PHACTR3: variants seen among roughly 807,000 people sequenced by gnomAD.
PHACTR3 encodes the protein phosphatase and actin regulator 3.
A neutral mutation model predicts 66.8 loss-of-function variants in PHACTR3; 16 were observed. The ratio of observed to expected loss-of-function variants is 0.24; its 90% confidence interval spans 0.16 to 0.36. PHACTR3 has a LOEUF of 0.36. PHACTR3 is among the 10% of genes least tolerant of loss of function. The pLI is 1.00. For missense variants in PHACTR3, 647 were observed against 719.9 expected (o/e 0.90, Z 1.16); for synonymous variants, 323 against 292.1 (o/e 1.11, Z -1.08).
intron 1 of PHACTR3, chr20:59,721,462 G>C (rs981741415): frequency 2.0e-5 from 3 of 152,736 alleles, no homozygotes; most frequent in East Asian, 3.8e-4. Context: ...ATGGGGCGAT[G>C]GTGGGGGATG....
chr20:59,671,308 T>C (rs2036190320), intron 1 of PHACTR3, among the ~76,000 whole-genome samples: 1 of 152,178 alleles, frequency 6.6e-6, no homozygotes, highest in South Asian at 2.1e-4. Flanking sequence ...GCCTCCTCTC[T>C]CCTTGCCGGG....
At chr20:59,686,084 G>A (rs556553716) in intron 1 of PHACTR3, among the ~76,000 whole-genome samples, 15 of 152,286 alleles carry the variant, frequency 9.8e-5, no homozygotes, top group Admixed American at 7.8e-4. Context: ...CAATGTGACG[G>A]TTTTCCTTCT....
intron 8 of PHACTR3, among the ~76,000 whole-genome samples, chr20:59,808,360 G>T (rs1419658166): frequency 6.6e-6 from 1 of 152,234 alleles, no homozygotes; most frequent in East Asian, 1.9e-4. Flanking sequence ...CTTTCACCAG[G>T]CCAGATGGCA....
intron 1 of PHACTR3, among the ~76,000 whole-genome samples, chr20:59,721,998 A>G (rs999879286): frequency 2.0e-5 from 3 of 152,144 alleles, no homozygotes; most frequent in Non-Finnish European, 4.4e-5. Context: ...TGGGAGGCCG[A>G]TGCAGGCAGA....
At chr20:59,637,525 T>C (rs558161591) in intron 1 of PHACTR3, among the ~76,000 whole-genome samples, 1 of 152,284 alleles carries the variant, frequency 6.6e-6, no homozygotes, top group East Asian at 1.9e-4. Flanking sequence ...ATGCCACAGA[T>C]TAAATGCTCC....
chr20:59,830,138 TGACA>T lies in PHACTR3; in HGVS notation c.1329-6361_1329-6358del, dbSNP rs1382150822. On this transcript the variant is annotated intron_variant, in intron 8 of 12. Transcript: ENST00000371015. This position sits in a 1 kb window ranked among gnomAD's most constrained non-coding sequence, Gnocchi z 5.8. ...AGGGGGTGTCTGATGAAAGAGGCTA[TGACA>T]GACAGGAGCATGTGCGTGTCTGGTG... Among the ~76,000 whole-genome samples the T allele has an allele frequency of 1.3e-5, 2 of 152,074 alleles. No homozygotes were observed. The highest frequency in any genetic ancestry group is 6.6e-5 in the Admixed American group (1 of 15,266).
At chr20:59,693,588 C>A (rs1434298294) in intron 1 of PHACTR3, among the ~76,000 whole-genome samples, 1 of 152,192 alleles carries the variant, frequency 6.6e-6, no homozygotes, top group Admixed American at 6.5e-5. Flanking sequence ...ACTTCTGAGA[C>A]TGAGGTGGTA....
chr20:59,585,039 C>T (rs1392824539), intron 1 of PHACTR3, among the ~76,000 whole-genome samples: 12 of 152,214 alleles, frequency 7.9e-5, no homozygotes, highest in African/African-American at 2.7e-4. Flanking sequence ...TACAGTTCAG[C>T]CCCTGACAGC....
chr20:59,640,611 C>G (rs1165165573), intron 1 of PHACTR3, among the ~76,000 whole-genome samples: 1 of 152,172 alleles, frequency 6.6e-6, no homozygotes, highest in Non-Finnish European at 1.5e-5. Context: ...ACTGTCAGCT[C>G]TTTGGTTTTC....
At chr20:59,810,833 T>C (rs2041715778) in intron 8 of PHACTR3, among the ~76,000 whole-genome samples, 2 of 152,128 alleles carry the variant, frequency 1.3e-5, no homozygotes, top group South Asian at 4.1e-4. Context: ...CTTTAAAACC[T>C]GTGTGGATGC....
intron 7 of PHACTR3, among the ~76,000 whole-genome samples, chr20:59,798,826 C>G (rs542254535): frequency 6.5e-4 from 98 of 151,706 alleles, no homozygotes; most frequent in Non-Finnish European, 1.0e-3. Context: ...TGCTTTGATC[C>G]TTATTATCTT....
intron 11 of PHACTR3, among the ~76,000 whole-genome samples, chr20:59,841,970 A>G (rs1383584163): frequency 6.6e-6 from 1 of 152,192 alleles, no homozygotes; most frequent in African/African-American, 2.4e-5. Context: ...GTTTAAACAA[A>G]AAGAGCTACA....
chr20:59,755,158 G>T, intron 3 of PHACTR3, 24 bp from the exon 4 acceptor site: 2 of 1,604,868 alleles, frequency 1.2e-6, no homozygotes. Context: ...TGCAGGCCCA[G>T]CTGACAGCTA....
chr20:59,751,101 T>G (rs1254197425), intron 3 of PHACTR3, among the ~76,000 whole-genome samples: 1 of 152,204 alleles, frequency 6.6e-6, no homozygotes, highest in Non-Finnish European at 1.5e-5. Context: ...GGGCTGTTGC[T>G]CTGGGGTAGG....
Position 59,738,321 on chromosome 20 carries a change from G to A in PHACTR3, c.119-4786G>A, listed in dbSNP as rs2039028226. On this transcript the variant is annotated intron_variant, in intron 1 of 12. Transcript: ENST00000371015. This position sits in a 1 kb window ranked among gnomAD's most constrained non-coding sequence, Gnocchi z 4.4. ...ATGGCAAGCACTAATGCACAATAAG[G>A]ATGATAATAAGGGGGAGGGAGCAGC... Among the ~76,000 whole-genome samples the A allele has an allele frequency of 6.6e-6, 1 of 152,120 alleles. No individual in the cohort carries two copies. The highest frequency in any genetic ancestry group is 1.9e-4 in the East Asian group (1 of 5,190).
chr20:59,686,637 G>T (rs2036874963), intron 1 of PHACTR3, among the ~76,000 whole-genome samples: 1 of 151,470 alleles, frequency 6.6e-6, no homozygotes, highest in Admixed American at 6.6e-5. Flanking sequence ...TGATTGTGAT[G>T]ATGGTGGTGA....
intron 1 of PHACTR3, among the ~76,000 whole-genome samples, chr20:59,680,211 A>G (rs2036594673): frequency 6.6e-6 from 1 of 152,146 alleles, no homozygotes; most frequent in Non-Finnish European, 1.5e-5. Flanking sequence ...TAGGGAAGGT[A>G]CCAGGTTCAA....
chr20:59,605,020 C>A lies in PHACTR3; in HGVS notation c.6C>A (p.Ala2=). 7.5e-7 allele frequency: 1 copy of A among 1,332,654 alleles called. No individual in the cohort carries two copies. The highest frequency in any genetic ancestry group is 3.6e-5 in the Admixed American group (1 of 27,798). The allele number at this position is 1,332,654 out of a possible 1,614,324, so 82.6% of individuals were successfully genotyped here. A position where few individuals can be genotyped will look rare whatever the true frequency, so the allele number is the denominator to read the frequency against. ...CCCCCGCGCCGGCCGGGCCCATGGC[C>A]GCGTCGGAGGACGGGAGCGGCTGCC... The part of the protein sequence containing the change: M[A]ASEDGSGCLV... The change falls in exon 1 of 13, where the codon GCC becomes GCA. Residue 2 remains alanine, a synonymous_variant. Transcript: ENST00000371015.
intron 1 of PHACTR3, among the ~76,000 whole-genome samples, chr20:59,716,469 T>C (rs988496632): frequency 6.6e-6 from 1 of 152,090 alleles, no homozygotes; most frequent in Non-Finnish European, 1.5e-5. Context: ...CCCAGGCTGG[T>C]CTTGAACTCC....
Sources: allele counts gnomAD v4.1 joint callset (sites outside exome capture counted in the v4.1 genomes callset), GRCh38; gene constraint gnomAD v4.1.1; non-coding constraint Gnocchi (gnomAD v3.1); transcripts MANE v1.5; gene names NCBI Gene and HGNC (gene_info 2026-07-23, HGNC 2026-07-21).